The following SLTM variants were observed in gnomAD, a reference collection of about 807,000 sequenced individuals.
SLTM encodes the protein SAFB like transcription modulator, also known as SAFB-like transcription modulator.
A neutral mutation model predicts 134.6 loss-of-function variants in SLTM; 43 were observed. The ratio of observed to expected loss-of-function variants is 0.32; its 90% CI spans 0.25 to 0.41. The LOEUF (loss-of-function observed/expected upper bound fraction) is 0.41, where lower values mean the gene tolerates loss of function less well. Ranked by LOEUF, SLTM falls within the 10% of genes least tolerant of loss-of-function variation. SLTM has a pLI of 1.00. For synonymous variants in SLTM, 424 were observed against 432.3 expected (o/e 0.98, Z 0.24); for missense variants, 1,055 against 1,288.8 (o/e 0.82, Z 2.78).
chr15:58,910,996 G>A (rs920876376), intron 5 of SLTM, among the ~76,000 whole-genome samples: 1 of 151,776 alleles, frequency 6.6e-6, no homozygotes, highest in Non-Finnish European at 1.5e-5. Context: ...TGCCTGCCTC[G>A]GCCTCCCAAA....
chr15:58,911,277 A>C (rs951083704), intron 5 of SLTM, among the ~76,000 whole-genome samples: 1 of 152,220 alleles, frequency 6.6e-6, no homozygotes, highest in Non-Finnish European at 1.5e-5. Context: ...TGCAGAAAAG[A>C]AAGCATGCTG....
chr15:58,922,560 T>TATTATATAC lies in SLTM; in HGVS notation c.251-5562_251-5561insGTATATAAT, dbSNP rs2037157757. Among the ~76,000 whole-genome samples, 11 of 144,182 alleles carry TATTATATAC rather than the reference T, an allele frequency of 7.6e-5. 1 individual carries two copies. Among genetic ancestry groups the TATTATATAC allele is most frequent in the Admixed American group, 2.8e-4 (4 of 14,228 alleles). The allele number at this position is 144,182 out of a possible 152,430, so 94.6% of individuals were successfully genotyped here. On this transcript the variant is annotated intron_variant, in intron 2 of 20. Transcript: ENST00000380516. The stretch of plus-strand genomic sequence containing the variant: ...ATATATTTTATATGTATATAATATG[T>TATTATATAC]ATATAATATATATTATATACGTATA...
intron 5 of SLTM, among the ~76,000 whole-genome samples, chr15:58,909,452 C>G (rs1184707450): frequency 1.3e-5 from 2 of 152,176 alleles, no homozygotes; most frequent in Non-Finnish European, 2.9e-5. Flanking sequence ...TATATCCTGG[C>G]TTTCCTGTGT....
chr15:58,896,603 T>C (rs1210199894), intron 9 of SLTM, among the ~76,000 whole-genome samples: 1 of 152,048 alleles, frequency 6.6e-6, no homozygotes, highest in African/African-American at 2.4e-5. Context: ...AATGTAGATA[T>C]ATGTTTATAT....
At chr15:58,900,058 GA>G (rs35822874) in intron 6 of SLTM, 121 bp from the exon 7 acceptor site, 125,911 of 502,992 alleles carry the variant, frequency 0.25, 3,944 homozygotes, top group East Asian at 0.38. Context: ...GGAAGTTAGG[GA>G]AAAAAAAAAA....
intron 5 of SLTM, among the ~76,000 whole-genome samples, chr15:58,903,950 C>T (rs1342805880): frequency 2.6e-5 from 4 of 152,196 alleles, no homozygotes; most frequent in African/African-American, 7.2e-5. Flanking sequence ...CTCAAAAGTA[C>T]ATTTGGATAA....
intron 2 of SLTM, among the ~76,000 whole-genome samples, chr15:58,926,377 C>A (rs2037469642): frequency 6.6e-6 from 1 of 152,092 alleles, no homozygotes; most frequent in South Asian, 2.1e-4. Flanking sequence ...TAAACATAAA[C>A]CTCCTGTAAG....
Position 58,883,632 on chromosome 15 carries a change from TGTTGG to T in SLTM, c.2985_2989del (p.Gln996PhefsTer3). ...AAACTGGTTAGTTATTTACCTTGAA[TGTTGG>T]GTTATCATGCCTGCTCCTGCCCGGC... On this transcript the variant is annotated frameshift_variant, in exon 20 of 21. Transcript: ENST00000380516. LOFTEE classifies it high-confidence loss of function. The T allele has an allele frequency of 6.2e-7, 1 of 1,614,082 alleles. No individual in the cohort carries two copies. The highest frequency in any genetic ancestry group is 8.5e-7 in the Non-Finnish European group (1 of 1,179,992).
intron 17 of SLTM, 42 bp downstream of exon 17, chr15:58,888,343 C>G (rs751000649): frequency 6.6e-7 from 1 of 1,513,184 alleles, no homozygotes; most frequent in South Asian, 1.2e-5. Flanking sequence ...TTATCACTAG[C>G]AAGGCTCATA....
intron 20 of SLTM, among the ~76,000 whole-genome samples, chr15:58,881,174 T>G (rs1463420867): frequency 6.6e-6 from 1 of 150,938 alleles, no homozygotes; most frequent in African/African-American, 2.4e-5. Context: ...AGCCTGGGTG[T>G]CACAGCGAGA....
chr15:58,922,888 G>C (rs745981107), intron 2 of SLTM, among the ~76,000 whole-genome samples: 14 of 151,672 alleles, frequency 9.2e-5, no homozygotes, highest in Non-Finnish European at 1.9e-4. Context: ...GCTAATTTTT[G>C]TATTTTTAGT....
At chr15:58,889,370 C>A in intron 16 of SLTM, 60 bp downstream of exon 16, 1 of 1,599,180 alleles carries the variant, frequency 6.3e-7, no homozygotes, top group East Asian at 2.2e-5. Flanking sequence ...ATTCTCTAGT[C>A]TTAGCCTAAA....
chr15:58,907,175 T>C (rs2035921101), intron 5 of SLTM, among the ~76,000 whole-genome samples: 1 of 152,112 alleles, frequency 6.6e-6, no homozygotes, highest in Non-Finnish European at 1.5e-5. Context: ...AAGAGGTGAA[T>C]CTGGCTGTGA....
intron 9 of SLTM, among the ~76,000 whole-genome samples, chr15:58,896,377 A>C (rs2035078636): frequency 6.6e-6 from 1 of 152,040 alleles, no homozygotes; most frequent in African/African-American, 2.4e-5. Flanking sequence ...TGGCCAACAT[A>C]GTGAAAAACT....
In SLTM at chr15:58,913,693, A is replaced by G; in HGVS notation, c.319T>C (p.Cys107Arg). The G allele has an allele frequency of 6.2e-7, 1 of 1,613,050 alleles. No individual in the cohort carries two copies. Among genetic ancestry groups the G allele is most frequent in the Non-Finnish European group, 8.5e-7 (1 of 1,179,572 alleles). Residue 107 changes from cysteine to arginine, a missense_variant, in exon 4 of 21, where the codon TGT becomes CGT. Cys to Arg is a radical substitution (Grantham distance 180). Around this residue, in one of 3 missense-constraint regions of SLTM, gnomAD observed 268 missense variants for 284.3 expected, o/e 0.94. Coordinates refer to ENST00000380516, the MANE Select transcript of SLTM (RefSeq NM_024755.4). ...SVEDDAFIKDCELENQEAHEQ... is the reference protein window; with the variant it reads ...SVEDDAFIKDRELENQEAHEQ... ...TGTGCCTCTTGATTCTCCAATTCAC[A>G]GTCCTTTTAATGGTAAGAAAATTTG...
At chr15:58,925,826 T>C (rs2037414608) in intron 2 of SLTM, among the ~76,000 whole-genome samples, 1 of 152,220 alleles carries the variant, frequency 6.6e-6, no homozygotes, top group Non-Finnish European at 1.5e-5. Context: ...GTAATTTAAC[T>C]GGGTTCTTAA....
chr15:58,901,599 A>G (rs1263743904), intron 5 of SLTM, among the ~76,000 whole-genome samples: 1 of 152,254 alleles, frequency 6.6e-6, no homozygotes, highest in African/African-American at 2.4e-5. Flanking sequence ...AGAGCTGTCA[A>G]TAAGAAGGCT....
rs752635591 is a variant in SLTM at position 58,916,964 on chromosome 15, C to A, written c.286G>T (p.Ala96Ser). 1 of 1,613,772 alleles carries A rather than the reference C, an allele frequency of 6.2e-7. No individual in the cohort carries two copies. The highest frequency in any genetic ancestry group is 8.5e-7 in the Non-Finnish European group (1 of 1,179,804). ...ATAAAAGCATCATCTTCCACAGAAG[C>A]ATCTCCACTCAACTCATCTGCTTCA... is the stretch of plus-strand genomic sequence containing the variant. ...KHEADELSGD[A>S]SVEDDAFIKD... Residue 96 changes from alanine (A) to serine (S), a missense_variant, in exon 3 of 21, where the codon GCT becomes TCT. Physicochemically the swap from Ala to Ser is moderately conservative, Grantham distance 99. This residue lies in a region of SLTM where 268 missense variants were observed against 284.3 expected (regional missense o/e 0.94). Coordinates refer to ENST00000380516, the MANE Select transcript of SLTM (RefSeq NM_024755.4).
intron 14 of SLTM, 61 bp from the exon 15 acceptor site, chr15:58,890,522 G>T: frequency 2.7e-6 from 4 of 1,472,704 alleles, no homozygotes; most frequent in East Asian, 2.3e-5. Flanking sequence ...AAAGAGAATA[G>T]CTTTGAATTT....
Sources: gnomAD v4.1 joint callset for allele counts (sites outside exome capture counted in the v4.1 genomes callset) on GRCh38, gnomAD v4.1.1 for gene constraint, gnomAD v4.1.1 regional missense constraint, MANE v1.5 for transcripts, NCBI Gene and HGNC (gene_info 2026-07-23, HGNC 2026-07-21) for gene names.